The following NXPH1 variants were observed in gnomAD, a reference collection of about 807,000 sequenced individuals.
NXPH1 encodes neurexophilin-1.
A neutral mutation model predicts 23.7 loss-of-function variants in NXPH1; 5 were observed. That is an observed-to-expected ratio of 0.21 (90% CI 0.11 to 0.44). The LOEUF (loss-of-function observed/expected upper bound fraction) is 0.44. Ranked by LOEUF, NXPH1 falls within the 20% of genes least tolerant of loss-of-function variation. The pLI, the probability that NXPH1 is intolerant of heterozygous loss-of-function variation, is 0.99. For synonymous variants in NXPH1, 144 were observed against 122.2 expected (o/e 1.18, Z -1.18); for missense variants, 324 against 321.6 (o/e 1.01, Z -0.06).
intron 2 of NXPH1, among the ~76,000 whole-genome samples, chr7:8,519,692 T>G (rs1817739077): frequency 6.6e-6 from 1 of 152,194 alleles, no homozygotes; most frequent in Non-Finnish European, 1.5e-5. Flanking sequence ...TTTTTACCTT[T>G]CCGTATGCGT....
chr7:8,685,885 C>G (rs146372596), intron 2 of NXPH1, among the ~76,000 whole-genome samples: 114 of 151,958 alleles, frequency 7.5e-4, no homozygotes, highest in Non-Finnish European at 5.7e-4. Context: ...TGACTACAGT[C>G]AAGAATAATT....
chr7:8,549,656 G>C (rs1818249287), intron 2 of NXPH1, among the ~76,000 whole-genome samples: 1 of 151,460 alleles, frequency 6.6e-6, no homozygotes, highest in African/African-American at 2.4e-5. Context: ...TTTGAAAAAA[G>C]AGAGAGTACA....
chr7:8,700,411 C>A (rs928711163), intron 2 of NXPH1, among the ~76,000 whole-genome samples: 8 of 152,094 alleles, frequency 5.3e-5, no homozygotes, highest in Admixed American at 2.0e-4. Flanking sequence ...GATGAAACAT[C>A]ATTTGCTTCT....
rs187378130 is a variant in NXPH1, at chr7:8,686,186, T to C, written c.55-64822T>C. On this transcript the variant is annotated intron_variant, in intron 2 of 2. Coordinates refer to ENST00000405863, the MANE Select transcript of NXPH1 (RefSeq NM_152745.3). Reference sequence around the variant, plus strand: ...GCTCTTTGTTAGGTATGACCTTAAGTTTAGCAAACATGCCTGATATTTTAT... The same window carrying C: ...GCTCTTTGTTAGGTATGACCTTAAGCTTAGCAAACATGCCTGATATTTTAT... Among the ~76,000 whole-genome samples, 84 of 152,292 alleles carry C rather than the reference T, an allele frequency of 5.5e-4. 1 individual carries two copies. Among genetic ancestry groups the C allele is most frequent in the African/African-American group, 1.9e-3 (77 of 41,576 alleles).
At chr7:8,639,966 C>T (rs572873918) in intron 2 of NXPH1, among the ~76,000 whole-genome samples, 2 of 152,256 alleles carry the variant, frequency 1.3e-5, no homozygotes, top group Admixed American at 6.5e-5. Context: ...ACTAATAAAC[C>T]TAGCTTCTGT....
At chr7:8,537,826 T>A (rs2128618092) in intron 2 of NXPH1, among the ~76,000 whole-genome samples, 1 of 152,060 alleles carries the variant, frequency 6.6e-6, no homozygotes, top group South Asian at 2.1e-4. Context: ...TATTTTTTTC[T>A]CTGAGATGTT....
At chr7:8,720,637 A>G (rs891892336) in intron 2 of NXPH1, among the ~76,000 whole-genome samples, 3 of 152,240 alleles carry the variant, frequency 2.0e-5, no homozygotes, top group African/African-American at 4.8e-5. Context: ...TGAGCTTATT[A>G]TCAGTAAAAC....
At position 8,652,194 on chromosome 7, in the gene NXPH1, A is replaced by G. The variant is rs139707766; in HGVS notation, c.55-98814A>G. ...GATGAAAAAATTTCAACAAACAATG[A>G]ATTATTATTATAGAAAATGAGAAAA... is the stretch of plus-strand genomic sequence containing the variant. On this transcript the variant is annotated intron_variant, in intron 2 of 2. Transcript: ENST00000405863. Among the ~76,000 whole-genome samples the G allele has an allele frequency of 1.0e-3, 157 of 152,288 alleles. 1 individual carries two copies. The highest frequency in any genetic ancestry group is 9.2e-3 in the Admixed American group (141 of 15,282).
At chr7:8,626,763 C>T (rs1819998767) in intron 2 of NXPH1, among the ~76,000 whole-genome samples, 1 of 152,052 alleles carries the variant, frequency 6.6e-6, no homozygotes, top group Admixed American at 6.6e-5. Flanking sequence ...GCCTTAATAA[C>T]AGTAAAGTAG....
At chr7:8,618,882 G>A in intron 2 of NXPH1, among the ~76,000 whole-genome samples, 1 of 152,164 alleles carries the variant, frequency 6.6e-6, no homozygotes, top group African/African-American at 2.4e-5. Context: ...TATGTGTGCT[G>A]CAATTGAAGT....
chr7:8,570,345 A>G (rs181027355), intron 2 of NXPH1, among the ~76,000 whole-genome samples: 24 of 152,070 alleles, frequency 1.6e-4, no homozygotes, highest in Non-Finnish European at 2.9e-4. Context: ...TCTGGCATGA[A>G]TAAGCTGCGT....
rs544572281 is a variant in NXPH1 at position 8,469,927 on chromosome 7, T to C, written c.54+34160T>C. 1.5e-4 allele frequency among the ~76,000 whole-genome samples: 23 copies of C among 152,268 alleles called. No homozygotes were observed. In the South Asian group the frequency reaches 4.6e-3, roughly 30 times the overall value. ...TGCTAAAGTCCATATGGCTAATTAT[T>C]AGAAGAGCTGCAATTCTTTCCTAAT... is the stretch of plus-strand genomic sequence containing the variant. On this transcript the variant is annotated intron_variant, in intron 2 of 2. Transcript: ENST00000405863.
intron 2 of NXPH1, among the ~76,000 whole-genome samples, chr7:8,539,750 G>T (rs1818083704): frequency 6.6e-6 from 1 of 151,622 alleles, no homozygotes; most frequent in Non-Finnish European, 1.5e-5. Flanking sequence ...AAAAATTAAG[G>T]TTATAATTTT....
intron 2 of NXPH1, among the ~76,000 whole-genome samples, chr7:8,702,217 A>C (rs1400360942): frequency 1.3e-5 from 2 of 152,134 alleles, no homozygotes; most frequent in African/African-American, 2.4e-5. Context: ...ATGTAGAAAT[A>C]GTACATGGCT....
At chr7:8,528,530 T>C (rs1197837879) in intron 2 of NXPH1, among the ~76,000 whole-genome samples, 1 of 152,254 alleles carries the variant, frequency 6.6e-6, no homozygotes, top group African/African-American at 2.4e-5. Context: ...TTGAATCGTC[T>C]GTCTTGTTTT....
intron 2 of NXPH1, among the ~76,000 whole-genome samples, chr7:8,578,806 A>G (rs1036727333): frequency 6.2e-4 from 94 of 152,340 alleles, no homozygotes; most frequent in Non-Finnish European, 1.6e-4. Flanking sequence ...AAGGACCAAG[A>G]AAGGCTTCTC....
At chr7:8,702,602 T>G (rs953057766) in intron 2 of NXPH1, among the ~76,000 whole-genome samples, 3 of 152,118 alleles carry the variant, frequency 2.0e-5, no homozygotes, top group Non-Finnish European at 4.4e-5. Flanking sequence ...ATGAGTTTCA[T>G]TCTTCTATTA....
At chr7:8,671,854 G>A (rs535794197) in intron 2 of NXPH1, among the ~76,000 whole-genome samples, 9 of 152,308 alleles carry the variant, frequency 5.9e-5, no homozygotes, top group African/African-American at 1.9e-4. Context: ...GGCTAGTGAT[G>A]ATGAGCATTT....
intron 2 of NXPH1, among the ~76,000 whole-genome samples, chr7:8,438,595 C>T (rs1371282022): frequency 1.3e-5 from 2 of 152,174 alleles, no homozygotes; most frequent in Non-Finnish European, 1.5e-5. Context: ...AGGGAGTAAT[C>T]ACCACATTAA....
Sources: allele counts gnomAD v4.1 joint callset (sites outside exome capture counted in the v4.1 genomes callset), GRCh38; gene constraint gnomAD v4.1.1; transcripts MANE v1.5; gene names NCBI Gene and HGNC (gene_info 2026-07-23, HGNC 2026-07-21).